The following CCSER1 variants were observed in gnomAD, a reference collection of about 807,000 sequenced individuals.
CCSER1 encodes the protein coiled-coil serine rich protein 1, also known as serine-rich coiled-coil domain-containing protein 1.
Under a neutral mutation model 82.0 loss-of-function variants are expected in CCSER1, and 41 were observed. The observed-to-expected ratio is 0.50, with a 90% CI of 0.39 to 0.65. The LOEUF (loss-of-function observed/expected upper bound fraction) is 0.65. Ranked by LOEUF, CCSER1 falls within the 30% of genes least tolerant of loss-of-function variation. The pLI is 0.00. For synonymous variants in CCSER1, 414 were observed against 383.9 expected, an observed-to-expected ratio of 1.08 and a Z score of -0.92; for missense variants, 1,119 against 1,064.2, an observed-to-expected ratio of 1.05 and a Z score of -0.72.
chr4:91,516,178 A>C (rs1760109902), intron 10 of CCSER1, among the ~76,000 whole-genome samples: 1 of 152,106 alleles, frequency 6.6e-6, no homozygotes, highest in Admixed American at 6.6e-5. Flanking sequence ...CTCAGTTGAC[A>C]GTTTCTTTTG....
intron 8 of CCSER1, among the ~76,000 whole-genome samples, chr4:90,898,566 G>A (rs1724116035): frequency 6.6e-6 from 1 of 151,712 alleles, no homozygotes; most frequent in Admixed American, 6.6e-5. Flanking sequence ...GGAATTACAG[G>A]TGTGAGCCAC....
chr4:91,512,772 T>C lies in CCSER1; in HGVS notation c.2218-85800T>C, dbSNP rs72882792. Among the ~76,000 whole-genome samples, 288 of 152,292 alleles carry C rather than the reference T, an allele frequency of 1.9e-3. 1 individual carries two copies. The highest frequency in any genetic ancestry group is 6.6e-3 in the African/African-American group (276 of 41,558). ...GATTTTGCTCTTAGCTTGAATGTTA[T>C]TGATGTATAGATATACTACCTATTT... On this transcript the variant is annotated intron_variant, in intron 10 of 10. Transcript: ENST00000509176.
intron 10 of CCSER1, among the ~76,000 whole-genome samples, chr4:91,105,789 C>T (rs1162726544): frequency 6.6e-6 from 1 of 152,116 alleles, no homozygotes; most frequent in Non-Finnish European, 1.5e-5. Context: ...TCCAAGTGCT[C>T]TGAAAACTGG....
intron 10 of CCSER1, among the ~76,000 whole-genome samples, chr4:91,126,788 A>C (rs980037250): frequency 3.9e-5 from 6 of 151,956 alleles, no homozygotes; most frequent in African/African-American, 1.2e-4. Context: ...GATATGCTAC[A>C]TTTGTTGTTT....
At position 91,284,977 on chromosome 4, in the gene CCSER1, A is replaced by G. The variant is rs186047122; in HGVS notation, c.2217+198983A>G. ...ACTTTACTATCTCCTTTCTAATGAA[A>G]AAATTTTGAAAGTTTGGGTTCTTAT... On this transcript the variant is annotated intron_variant, in intron 10 of 10. Transcript: ENST00000509176. Among the ~76,000 whole-genome samples, 3 of 152,050 alleles carry G rather than the reference A, an allele frequency of 2.0e-5. No individual in the cohort carries two copies. The East Asian group carries it at 5.8e-4, about 29-fold the overall frequency.
At chr4:91,444,318 C>G (rs1055383249) in intron 10 of CCSER1, among the ~76,000 whole-genome samples, 1 of 152,290 alleles carries the variant, frequency 6.6e-6, no homozygotes, top group Admixed American at 6.5e-5. Flanking sequence ...TTGATATAAA[C>G]TTACTACTGC....
chr4:91,202,255 C>T (rs1201898626), intron 10 of CCSER1, among the ~76,000 whole-genome samples: 1 of 151,560 alleles, frequency 6.6e-6, no homozygotes, highest in Admixed American at 6.6e-5. Flanking sequence ...TCTTATCTTG[C>T]TACTCTGCTG....
intron 10 of CCSER1, among the ~76,000 whole-genome samples, chr4:91,260,372 C>G (rs1177250880): frequency 6.6e-6 from 1 of 152,196 alleles, no homozygotes; most frequent in Non-Finnish European, 1.5e-5. Context: ...TTCTACCTCA[C>G]TGGAATTAAT....
intron 9 of CCSER1, among the ~76,000 whole-genome samples, chr4:91,019,834 C>G (rs1054578177): frequency 6.6e-6 from 1 of 152,042 alleles, no homozygotes; most frequent in Non-Finnish European, 1.5e-5. Context: ...ATGGTTTTGC[C>G]CATAAGTAAA....
At chr4:90,442,402 C>G (rs1173926338) in intron 4 of CCSER1, among the ~76,000 whole-genome samples, 1 of 152,096 alleles carries the variant, frequency 6.6e-6, no homozygotes, top group Non-Finnish European at 1.5e-5. Context: ...CCAGAAAAAC[C>G]TATTGATCAA....
intron 6 of CCSER1, among the ~76,000 whole-genome samples, chr4:90,662,762 G>A (rs1426567268): frequency 2.0e-5 from 3 of 152,110 alleles, no homozygotes; most frequent in Admixed American, 1.3e-4. Context: ...ATCCTAGTAA[G>A]TTTTTTCATT....
chr4:91,147,743 A>C (rs1729691800), intron 10 of CCSER1, among the ~76,000 whole-genome samples: 1 of 152,238 alleles, frequency 6.6e-6, no homozygotes, highest in Non-Finnish European at 1.5e-5. Flanking sequence ...CCAAAAATTC[A>C]AATGAAAATT....
intron 1 of CCSER1, among the ~76,000 whole-genome samples, chr4:90,232,492 A>C (rs1341979025): frequency 5.3e-5 from 8 of 152,050 alleles, no homozygotes; most frequent in African/African-American, 1.7e-4. Context: ...TTAAAGACTT[A>C]AATGTTAGAC....
intron 10 of CCSER1, among the ~76,000 whole-genome samples, chr4:91,101,521 G>A (rs1227114341): frequency 3.3e-5 from 5 of 152,010 alleles, no homozygotes; most frequent in Non-Finnish European, 1.5e-5. Context: ...TGTAATCACA[G>A]CTACTTGGGA....
chr4:91,046,617 A>C (rs1178733945), intron 9 of CCSER1, among the ~76,000 whole-genome samples: 1 of 152,212 alleles, frequency 6.6e-6, no homozygotes, highest in Non-Finnish European at 1.5e-5. Context: ...GATCTCTTTC[A>C]TATTGTAGTT....
intron 3 of CCSER1, among the ~76,000 whole-genome samples, chr4:90,342,458 C>T (rs1741564650): frequency 6.6e-6 from 1 of 152,176 alleles, no homozygotes; most frequent in Non-Finnish European, 1.5e-5. Flanking sequence ...TCATGCCTAC[C>T]TTTCTTTTCA....
At chr4:91,212,561 C>G (rs1298834077) in intron 10 of CCSER1, among the ~76,000 whole-genome samples, 1 of 151,916 alleles carries the variant, frequency 6.6e-6, no homozygotes, top group African/African-American at 2.4e-5. Context: ...TTTAATGGAG[C>G]AAGAGGGAAA....
At chr4:91,451,634 A>G (rs1021488105) in intron 10 of CCSER1, among the ~76,000 whole-genome samples, 1 of 151,898 alleles carries the variant, frequency 6.6e-6, no homozygotes, top group Non-Finnish European at 1.5e-5. Flanking sequence ...AACCAAAAAG[A>G]AGGAGGAAAT....
At chr4:90,429,705 T>C (rs1003566691) in intron 4 of CCSER1, among the ~76,000 whole-genome samples, 13 of 151,724 alleles carry the variant, frequency 8.6e-5, no homozygotes, top group Non-Finnish European at 1.6e-4. Flanking sequence ...TCAGAAAATA[T>C]AGAGTGGACA....
Sources: gnomAD v4.1 joint callset for allele counts (sites outside exome capture counted in the v4.1 genomes callset) on GRCh38, gnomAD v4.1.1 for gene constraint, MANE v1.5 for transcripts, NCBI Gene and HGNC (gene_info 2026-07-23, HGNC 2026-07-21) for gene names.